Variants in CASP8 observed in about 807,000 individuals in gnomAD.
CASP8 encodes caspase 8.
A neutral mutation model predicts 46.3 loss-of-function variants in CASP8; 24 were observed. That is an observed-to-expected ratio of 0.52 (90% confidence interval 0.38 to 0.73). The LOEUF is 0.73. Among genes scored for constraint, CASP8 ranks in the 30% least tolerant of loss-of-function variants. CASP8 has a pLI of 0.00. For missense variants in CASP8, 460 were observed against 559.0 expected (o/e 0.82, Z 1.79); for synonymous variants, 188 against 200.4 (o/e 0.94, Z 0.52).
intron 2 of CASP8, among the ~76,000 whole-genome samples, chr2:201,267,185 A>G (rs1947881846): frequency 6.6e-6 from 1 of 152,160 alleles, no homozygotes; most frequent in African/African-American, 2.4e-5. Flanking sequence ...CTGAAGTTAT[A>G]ATAGAGTTTT....
upstream of CASP8, among the ~76,000 whole-genome samples, chr2:201,257,231 C>T (rs960693603): frequency 1.3e-5 from 2 of 150,560 alleles, no homozygotes; most frequent in Non-Finnish European, 3.0e-5. Context: ...CCTGTAATCC[C>T]AGCACTTTGG....
At chr2:201,243,737 A>T (rs1946395852) in intron 2 of CASP8, among the ~76,000 whole-genome samples, 2 of 152,328 alleles carry the variant, frequency 1.3e-5, no homozygotes, top group South Asian at 4.1e-4. Context: ...GGGCCTGGCC[A>T]ATTTAACAAG....
chr2:201,234,784 C>T (rs1032297309), intron 2 of CASP8, among the ~76,000 whole-genome samples: 1 of 151,984 alleles, frequency 6.6e-6, no homozygotes, highest in Non-Finnish European at 1.5e-5. Context: ...GATAATATGA[C>T]CACATTATAA....
intron 2 of CASP8, chr2:201,240,258 C>G (rs1946245949): frequency 6.6e-6 from 1 of 152,074 alleles, no homozygotes; most frequent in Non-Finnish European, 1.5e-5. Flanking sequence ...TTCCTTTTCC[C>G]CCTACCCACA....
At chr2:201,245,739 C>T (rs1008641740) in intron 2 of CASP8, among the ~76,000 whole-genome samples, 23 of 152,348 alleles carry the variant, frequency 1.5e-4, no homozygotes, top group African/African-American at 5.5e-4. Context: ...GCCAGGTCAG[C>T]TGTCCTTGCC....
chr2:201,271,026 G>A (rs1948210176), intron 2 of CASP8, among the ~76,000 whole-genome samples: 1 of 152,238 alleles, frequency 6.6e-6, no homozygotes, highest in African/African-American at 2.4e-5. Flanking sequence ...TTGGCTTCAG[G>A]TCCTTTCGTG....
intron 2 of CASP8, among the ~76,000 whole-genome samples, chr2:201,237,438 TAAAAAAAAAAAA>T (rs774127508): frequency 2.2e-5 from 1 of 46,112 alleles, no homozygotes; most frequent in Non-Finnish European, 5.2e-5. Context: ...ATCTTCAGAG[TAAAAAAAAAAAA>T]AAAAAAAGGA....
chr2:201,247,398 C>T (rs1946578392), intron 2 of CASP8, among the ~76,000 whole-genome samples: 1 of 151,886 alleles, frequency 6.6e-6, no homozygotes. Context: ...CTGAAGGCGC[C>T]TTCCTTCTGT....
At chr2:201,253,020 C>G (rs973556823) in intron 2 of CASP8, among the ~76,000 whole-genome samples, 1 of 151,962 alleles carries the variant, frequency 6.6e-6, no homozygotes, top group Admixed American at 6.6e-5. Flanking sequence ...GGGCTCGCTC[C>G]GTCCCCCAGG....
rs1478228461 is a variant in CASP8 at position 201,262,895 on chromosome 2, GCAAAAAA to G, written c.-27+2292_-27+2298del. On this transcript the variant is annotated intron_variant, in intron 1 of 8. Coordinates refer to ENST00000673742, the MANE Select transcript of CASP8 (RefSeq NM_001372051.1). ...ATGACTAGAGGGATGTGTAACTTAA[GCAAAAAA>G]CAAAAAACAGAAAAGGCTGACTATC... Among the ~76,000 whole-genome samples the G allele has an allele frequency of 2.6e-5, 4 of 152,078 alleles. No homozygotes were observed. In the East Asian group the frequency reaches 7.7e-4, roughly 29 times the overall value.
At chr2:201,265,138 TAA>T (rs1947709657) in intron 1 of CASP8, among the ~76,000 whole-genome samples, 1 of 152,194 alleles carries the variant, frequency 6.6e-6, no homozygotes, top group African/African-American at 2.4e-5. Flanking sequence ...CTTTGAAAAC[TAA>T]AAGTTTTGGG....
chr2:201,267,781 CT>C (rs1947928695), intron 2 of CASP8, among the ~76,000 whole-genome samples: 1 of 152,202 alleles, frequency 6.6e-6, no homozygotes, highest in Non-Finnish European at 1.5e-5. Context: ...TCTCTGTTTG[CT>C]TGTTGATAAC....
At chr2:201,269,597 A>G (rs1948100668) in intron 2 of CASP8, 6 of 1,610,974 alleles carry the variant, frequency 3.7e-6, no homozygotes, top group Non-Finnish European at 2.5e-6. Context: ...TCGATCATCT[A>G]TTAATAAGGC....
upstream of CASP8, chr2:201,258,303 C>T (rs780227002): frequency 6.2e-7 from 1 of 1,614,068 alleles, no homozygotes; most frequent in African/African-American, 1.3e-5. Context: ...CCTTTCCCAC[C>T]CCCTTCCCTG....
rs546258871 is a variant in CASP8 at position 201,285,895 on chromosome 2, G to A, written c.1305-564G>A. ...AGTATATGAAGAGTGAGAATTTCCC[G>A]TAACTTAGATCATGAATCTAACTTA... On this transcript the variant is annotated intron_variant, in intron 8 of 8. Coordinates refer to ENST00000673742, the MANE Select transcript of CASP8 (RefSeq NM_001372051.1). Among the ~76,000 whole-genome samples, 3 of 152,260 alleles carry A rather than the reference G, an allele frequency of 2.0e-5. No individual in the cohort carries two copies. The East Asian group carries it at 5.8e-4, about 29-fold the overall frequency.
chr2:201,250,175 C>T (rs138699333), intron 2 of CASP8, among the ~76,000 whole-genome samples: 165 of 152,306 alleles, frequency 1.1e-3, no homozygotes, highest in African/African-American at 3.8e-3. Flanking sequence ...CCTTTGTCTT[C>T]ACAGATACCA....
At chr2:201,261,985 A>G (rs7568770) in intron 1 of CASP8, 145,823 of 152,202 alleles carry the variant, frequency 0.96, 70,141 homozygotes, top group East Asian at 1. Flanking sequence ...GTGAGGCTCT[A>G]ACCCCCTCTC....
Position 201,239,438 on chromosome 2 carries a change from T to A in CASP8, c.-27+5326T>A, listed in dbSNP as rs183151577. On this transcript the variant is annotated intron_variant, in intron 2 of 6. Coordinates refer to the CASP8 transcript ENST00000264274. The stretch of plus-strand genomic sequence containing the variant: ...CTCCCGGACGGGGCGGCTTCCTTAC[T>A]TTTTAAAAATACGTTTGTCTTCAAC... 2.6e-4 allele frequency among the ~76,000 whole-genome samples: 39 copies of A among 152,352 alleles called. No homozygotes were observed. In the East Asian group the frequency reaches 6.0e-3, roughly 23 times the overall value.
chr2:201,237,688 G>C (rs1180369266), intron 2 of CASP8, among the ~76,000 whole-genome samples: 1 of 152,140 alleles, frequency 6.6e-6, no homozygotes, highest in Non-Finnish European at 1.5e-5. Context: ...CCGCAAGAAT[G>C]CATGCTGGTT....
Sources: allele counts gnomAD v4.1 joint callset (sites outside exome capture counted in the v4.1 genomes callset), GRCh38; gene constraint gnomAD v4.1.1; transcripts MANE v1.5; gene names NCBI Gene and HGNC (gene_info 2026-07-23, HGNC 2026-07-21).